Variants in FHIT observed in about 807,000 individuals in gnomAD.
FHIT encodes the protein bis(5'-adenosyl)-triphosphatase.
A neutral mutation model predicts 17.9 loss-of-function variants in FHIT; 19 were observed. The observed-to-expected ratio is 1.06, with a 90% CI of 0.74 to 1.56. The LOEUF (loss-of-function observed/expected upper bound fraction) is 1.56. Among genes scored for constraint, FHIT ranks in the 40% most tolerant of loss-of-function variants. FHIT has a pLI of 0.00. For synonymous variants in FHIT, 81 were observed against 69.7 expected (o/e 1.16, Z -0.81); for missense variants, 248 against 189.2 (o/e 1.31, Z -1.82).
chr3:60,049,684 T>C (rs76774988), intron 5 of FHIT, among the ~76,000 whole-genome samples: 2,504 of 152,278 alleles, frequency 0.016, 60 homozygotes, highest in African/African-American at 0.056. Context: ...CCTAATTCTT[T>C]AAATTTAAAA....
intron 3 of FHIT, among the ~76,000 whole-genome samples, chr3:60,985,252 G>T (rs535597400): frequency 6.6e-6 from 1 of 152,014 alleles, no homozygotes; most frequent in Non-Finnish European, 1.5e-5. Flanking sequence ...TACGTTCTGT[G>T]TTTTTTTACT....
intron 5 of FHIT, among the ~76,000 whole-genome samples, chr3:60,169,967 T>C (rs973461043): frequency 5.3e-5 from 8 of 152,180 alleles, no homozygotes; most frequent in African/African-American, 1.9e-4. Flanking sequence ...ATGTAGCACA[T>C]GGAATGGACC....
intron 5 of FHIT, among the ~76,000 whole-genome samples, chr3:60,208,030 C>G (rs213318): frequency 0.39 from 59,533 of 151,992 alleles, 11,947 homozygotes; most frequent in Admixed American, 0.46. Flanking sequence ...ACCTGATTCA[C>G]TTAGTACTTG....
At chr3:60,819,878 A>G (rs2594144) in intron 4 of FHIT, among the ~76,000 whole-genome samples, 127,563 of 152,170 alleles carry the variant, frequency 0.84, 54,565 homozygotes, top group East Asian at 0.94. Flanking sequence ...TAGGAGAGAA[A>G]ATAGAAGTCT....
intron 3 of FHIT, among the ~76,000 whole-genome samples, chr3:60,924,420 C>T (rs111977474): frequency 0.025 from 3,844 of 152,224 alleles, 167 homozygotes; most frequent in African/African-American, 0.087. Flanking sequence ...TGTTCTGCAG[C>T]CTCTGCTGGT....
chr3:60,552,209 A>G (rs925954511), intron 4 of FHIT, among the ~76,000 whole-genome samples: 10 of 152,176 alleles, frequency 6.6e-5, no homozygotes, highest in Non-Finnish European at 1.3e-4. Flanking sequence ...GTATGTATAC[A>G]CCACATGTTT....
chr3:60,607,516 A>G (rs1303296296), intron 4 of FHIT, among the ~76,000 whole-genome samples: 2 of 151,774 alleles, frequency 1.3e-5, no homozygotes, highest in Non-Finnish European at 2.9e-5. Context: ...TTTCAGAGCA[A>G]CTCATCAGGG....
Position 60,211,236 on chromosome 3 carries a change from A to C in FHIT, c.104-197084T>G, listed in dbSNP as rs193075798. 5.7e-3 allele frequency among the ~76,000 whole-genome samples: 863 copies of C among 152,102 alleles called. 4 individuals carry two copies. Among genetic ancestry groups the C allele is most frequent in the Non-Finnish European group, 9.5e-3 (647 of 67,950 alleles). On this transcript the variant is annotated intron_variant, in intron 5 of 9. Transcript: ENST00000492590. ...TTTTCAAAGAAAGGATGGAACACAAATATAAATGTATTTATATACATACAT... is the reference window on the plus strand; with the variant it reads ...TTTTCAAAGAAAGGATGGAACACAACTATAAATGTATTTATATACATACAT...
At chr3:59,843,271 T>C (rs567583317) in intron 8 of FHIT, among the ~76,000 whole-genome samples, 7 of 152,308 alleles carry the variant, frequency 4.6e-5, no homozygotes, top group Non-Finnish European at 7.4e-5. Flanking sequence ...TTCTATTCCA[T>C]TGATGTATAA....
chr3:59,957,557 T>C (rs1707465862), intron 7 of FHIT, among the ~76,000 whole-genome samples: 1 of 152,246 alleles, frequency 6.6e-6, no homozygotes, highest in Admixed American at 6.5e-5. Flanking sequence ...CAGCACAAGG[T>C]AAGTATGCAC....
intron 5 of FHIT, among the ~76,000 whole-genome samples, chr3:60,029,879 T>TGTGTGTGTGTGTGTGTGTGTG (rs1553655670): frequency 7.6e-6 from 1 of 131,402 alleles, no homozygotes; most frequent in Non-Finnish European, 1.7e-5. Context: ...CATAGAAGCA[T>TGTGTGTGTGTGTGTGTGTGTG]TGTGTGTGTG....
intron 5 of FHIT, among the ~76,000 whole-genome samples, chr3:60,432,657 T>C (rs1478125677): frequency 6.6e-6 from 1 of 152,076 alleles, no homozygotes; most frequent in Admixed American, 6.6e-5. Flanking sequence ...AGAAGGGTCA[T>C]AGGATCCTTA....
At chr3:61,140,211 C>A (rs752237443) in intron 2 of FHIT, among the ~76,000 whole-genome samples, 32 of 152,056 alleles carry the variant, frequency 2.1e-4, no homozygotes, top group Admixed American at 9.8e-4. Context: ...AATAGTGATA[C>A]CTATCTTATT....
chr3:60,807,019 G>T (rs1003210469), intron 4 of FHIT, among the ~76,000 whole-genome samples: 6 of 152,304 alleles, frequency 3.9e-5, no homozygotes, highest in Admixed American at 1.3e-4. Flanking sequence ...AGGAAAATGA[G>T]AGGCTATTAG....
At chr3:60,258,826 T>G (rs1418762099) in intron 5 of FHIT, among the ~76,000 whole-genome samples, 2 of 152,080 alleles carry the variant, frequency 1.3e-5, no homozygotes, top group Non-Finnish European at 2.9e-5. Flanking sequence ...GGTAATAAGC[T>G]GGGAGGGACT....
At chr3:60,295,655 G>GAT (rs1378596521) in intron 5 of FHIT, among the ~76,000 whole-genome samples, 5 of 152,088 alleles carry the variant, frequency 3.3e-5, no homozygotes, top group African/African-American at 1.2e-4. Flanking sequence ...TTGACGTGAG[G>GAT]ATTGGAGGCT....
chr3:60,983,995 T>G (rs2107562273), intron 3 of FHIT, among the ~76,000 whole-genome samples: 1 of 152,140 alleles, frequency 6.6e-6, no homozygotes, highest in African/African-American at 2.4e-5. Flanking sequence ...AAATGATGAA[T>G]TTCAGAAAGT....
intron 4 of FHIT, among the ~76,000 whole-genome samples, chr3:60,759,079 G>T (rs1553719046): frequency 6.6e-6 from 1 of 152,126 alleles, no homozygotes; most frequent in African/African-American, 2.4e-5. Flanking sequence ...TGCCACTGTA[G>T]CAGAGGAAGT....
intron 4 of FHIT, among the ~76,000 whole-genome samples, chr3:60,603,533 T>G (rs1422260441): frequency 1.3e-5 from 2 of 151,968 alleles, no homozygotes; most frequent in East Asian, 3.9e-4. Flanking sequence ...GGGTATTGTG[T>G]TGCTTTCTTC....
Sources: allele counts gnomAD v4.1 joint callset (sites outside exome capture counted in the v4.1 genomes callset), GRCh38; gene constraint gnomAD v4.1.1; transcripts MANE v1.5; gene names NCBI Gene and HGNC (gene_info 2026-07-23, HGNC 2026-07-21).